The following CERS6 variants were observed in gnomAD, a reference collection of about 807,000 sequenced individuals.
CERS6 encodes LAG1 homolog, ceramide synthase 6.
CERS6 carries 26 observed loss-of-function variants against 56.8 expected under a neutral mutation model. The observed-to-expected ratio is 0.46, with a 90% CI of 0.34 to 0.63. The LOEUF (loss-of-function observed/expected upper bound fraction) is 0.63, where lower values mean the gene tolerates loss of function less well. CERS6 is among the 30% of genes least tolerant of loss of function. CERS6 has a pLI of 0.01. For synonymous variants in CERS6, 164 were observed against 173.3 expected, an observed-to-expected ratio of 0.95 and a Z score of 0.42; for missense variants, 415 against 467.5, an observed-to-expected ratio of 0.89 and a Z score of 1.04.
At chr2:168,695,827 C>T (rs55723071) in intron 6 of CERS6, among the ~76,000 whole-genome samples, 4,867 of 152,262 alleles carry the variant, frequency 0.032, 125 homozygotes, top group Non-Finnish European at 0.05. Context: ...AAATGTTTCT[C>T]TTCTGCCCCA....
At chr2:168,536,781 A>G (rs1189481052) in intron 1 of CERS6, among the ~76,000 whole-genome samples, 1 of 152,158 alleles carries the variant, frequency 6.6e-6, no homozygotes, top group Non-Finnish European at 1.5e-5. Flanking sequence ...GGGATAGCAG[A>G]AAAATGTTCA....
At chr2:168,660,134 A>G (rs77979431) in intron 4 of CERS6, among the ~76,000 whole-genome samples, 7,762 of 152,282 alleles carry the variant, frequency 0.051, 529 homozygotes, top group African/African-American at 0.15. Context: ...TGTACTCAGC[A>G]CAACGTTCAA....
At chr2:168,474,874 G>C (rs7581474) in intron 1 of CERS6, among the ~76,000 whole-genome samples, 13,425 of 152,160 alleles carry the variant, frequency 0.088, 690 homozygotes, top group East Asian at 0.18. Context: ...CAAGAAATCA[G>C]TAATGAAGAA....
chr2:168,627,136 C>A (rs545154168), intron 3 of CERS6, among the ~76,000 whole-genome samples: 3 of 152,126 alleles, frequency 2.0e-5, no homozygotes, highest in East Asian at 1.9e-4. Context: ...GAAATTTTCC[C>A]GTAAGAATGA....
intron 1 of CERS6, among the ~76,000 whole-genome samples, chr2:168,463,218 G>T (rs146045415): frequency 4.6e-4 from 70 of 152,232 alleles, no homozygotes; most frequent in Middle Eastern, 3.4e-3. Context: ...CAATTTTGGT[G>T]TCTCCTATTT....
intron 2 of CERS6, among the ~76,000 whole-genome samples, chr2:168,557,727 G>C (rs1227324441): frequency 6.6e-6 from 1 of 152,096 alleles, no homozygotes; most frequent in Non-Finnish European, 1.5e-5. Context: ...AATGAGGGAG[G>C]CTTTGCTAAT....
At chr2:168,587,157 G>A (rs934068627) in intron 3 of CERS6, among the ~76,000 whole-genome samples, 3 of 152,002 alleles carry the variant, frequency 2.0e-5, no homozygotes, top group African/African-American at 7.3e-5. Flanking sequence ...TGGGCTGAGC[G>A]ATAGAGCAAG....
At chr2:168,583,440 C>T in intron 3 of CERS6, among the ~76,000 whole-genome samples, 1 of 152,212 alleles carries the variant, frequency 6.6e-6, no homozygotes, top group Non-Finnish European at 1.5e-5. Context: ...TTTCAGCCAA[C>T]TACAGAATCT....
chr2:168,747,822 CACACGCTCACACATAA>C (rs567117219), intron 8 of CERS6, among the ~76,000 whole-genome samples: 549 of 110,606 alleles, frequency 5.0e-3, no homozygotes, highest in African/African-American at 0.019. Flanking sequence ...GCACTTCCTA[CACACGCTCACACATAA>C]ACACACACAC....
Position 168,456,315 on chromosome 2 carries a change from C to A in CERS6, c.-134C>A, listed in dbSNP as rs1693647086. 18 of 324,486 alleles carry A rather than the reference C, an allele frequency of 5.5e-5. No homozygotes were observed. Among genetic ancestry groups the A allele is most frequent in the Non-Finnish European group, 7.2e-5 (15 of 209,392 alleles). 20.1% of individuals were successfully genotyped at this position (324,486 alleles called of 1,614,324 possible). On this transcript the variant is annotated 5_prime_UTR_variant, in exon 1 of 10. Transcript: ENST00000305747. The surrounding 1 kb of genome is among the most constrained non-coding windows in gnomAD (Gnocchi z 4.1). ...TCGAGAGCAGCGGCCGCGGAGGAGG[C>A]GGCGGCGGCGGGCGGGAGCAGCGGC... is the stretch of plus-strand genomic sequence containing the variant.
chr2:168,663,258 G>A (rs1490729937), intron 4 of CERS6, among the ~76,000 whole-genome samples: 1 of 151,892 alleles, frequency 6.6e-6, no homozygotes, highest in South Asian at 2.1e-4. Flanking sequence ...TGCATTATTA[G>A]TTCAGTTGAT....
rs536532049 is a variant in CERS6 at position 168,768,239 on chromosome 2, G to T, written c.1003-1271G>T. 6.4e-4 allele frequency among the ~76,000 whole-genome samples: 92 copies of T among 144,234 alleles called. 1 individual carries two copies. Among genetic ancestry groups the T allele is most frequent in the African/African-American group, 1.6e-3 (62 of 39,956 alleles). The allele number at this position is 144,234 out of a possible 152,430, so 94.6% of individuals were successfully genotyped here. On this transcript the variant is annotated intron_variant, in intron 9 of 9. Coordinates refer to ENST00000305747, the MANE Select transcript of CERS6 (RefSeq NM_203463.3). ...AGTTTTTTTTGTTTTGTTTTGTTTT[G>T]TTTTTTTTTTTAAGACAGTTTCACT... is the stretch of plus-strand genomic sequence containing the variant.
At chr2:168,575,908 T>G (rs988357234) in intron 3 of CERS6, among the ~76,000 whole-genome samples, 4 of 152,156 alleles carry the variant, frequency 2.6e-5, no homozygotes, top group Admixed American at 2.6e-4. Flanking sequence ...CAGTTCACCT[T>G]CATTTAGGAA....
intron 7 of CERS6, 141 bp from the exon 8 acceptor site, chr2:168,717,731 A>T (rs1574187123): frequency 1.4e-5 from 8 of 582,968 alleles, no homozygotes; most frequent in Non-Finnish European, 3.0e-6. Flanking sequence ...TGACATTTCA[A>T]TCGCAGGCTG....
At chr2:168,591,535 A>G (rs1559011458) in intron 3 of CERS6, among the ~76,000 whole-genome samples, 1 of 152,256 alleles carries the variant, frequency 6.6e-6, no homozygotes, top group Non-Finnish European at 1.5e-5. Flanking sequence ...TAGTTTTAAC[A>G]TTAGACTTAA....
At chr2:168,538,036 A>C (rs1434222582) in intron 1 of CERS6, among the ~76,000 whole-genome samples, 1 of 152,060 alleles carries the variant, frequency 6.6e-6, no homozygotes, top group Non-Finnish European at 1.5e-5. Flanking sequence ...GGATCTGATC[A>C]CTTCTCACTG....
At chr2:168,534,772 T>A (rs542022119) in intron 1 of CERS6, among the ~76,000 whole-genome samples, 2 of 152,334 alleles carry the variant, frequency 1.3e-5, no homozygotes, top group East Asian at 3.9e-4. Flanking sequence ...GGGGTGTGCC[T>A]CACTGTGGGG....
intron 6 of CERS6, among the ~76,000 whole-genome samples, chr2:168,706,582 A>T (rs1473532250): frequency 6.6e-6 from 1 of 152,238 alleles, no homozygotes; most frequent in Non-Finnish European, 1.5e-5. Context: ...AAATTGTTTT[A>T]AAGCTGTGGT....
intron 4 of CERS6, among the ~76,000 whole-genome samples, chr2:168,644,912 G>C (rs1685137152): frequency 6.7e-6 from 1 of 150,354 alleles, no homozygotes; most frequent in Admixed American, 6.6e-5. Flanking sequence ...ACCAACATGG[G>C]GAAACCCCGT....
Sources: allele counts gnomAD v4.1 joint callset (sites outside exome capture counted in the v4.1 genomes callset), GRCh38; gene constraint gnomAD v4.1.1; non-coding constraint Gnocchi (gnomAD v3.1); transcripts MANE v1.5; gene names NCBI Gene and HGNC (gene_info 2026-07-23, HGNC 2026-07-21).